Variants in SUCLG2 observed in about 807,000 individuals in gnomAD.
SUCLG2 encodes the protein succinate-CoA ligase GDP-forming subunit beta.
SUCLG2 carries 42 observed loss-of-function variants against 47.9 expected under a neutral mutation model. That is an observed-to-expected ratio of 0.88 (90% CI 0.69 to 1.14). SUCLG2 has a LOEUF of 1.14. SUCLG2 is among the 50% of genes most tolerant of loss of function. The pLI, the probability that SUCLG2 is intolerant of heterozygous loss-of-function variation, is 0.00. For missense variants in SUCLG2, 571 were observed against 525.9 expected (o/e 1.09, Z -0.84); for synonymous variants, 195 against 197.3 (o/e 0.99, Z 0.10).
chr3:67,395,498 T>G (rs1388392739), intron 10 of SUCLG2, among the ~76,000 whole-genome samples: 1 of 152,156 alleles, frequency 6.6e-6, no homozygotes, highest in Non-Finnish European at 1.5e-5. Context: ...ATGCACCCAA[T>G]ACAGGAGCAC....
At chr3:67,645,231 T>A (rs938499484) in intron 1 of SUCLG2, among the ~76,000 whole-genome samples, 1 of 152,184 alleles carries the variant, frequency 6.6e-6, no homozygotes, top group African/African-American at 2.4e-5. Flanking sequence ...ATACAAAATA[T>A]AGTCATAAAA....
At chr3:67,613,590 T>C (rs574552779) in intron 1 of SUCLG2, among the ~76,000 whole-genome samples, 130 of 152,316 alleles carry the variant, frequency 8.5e-4, no homozygotes, top group African/African-American at 3.0e-3. Context: ...AGAATAAGGA[T>C]GGACATATAC....
chr3:67,533,903 T>C (rs1706467875), intron 2 of SUCLG2, among the ~76,000 whole-genome samples: 1 of 151,724 alleles, frequency 6.6e-6, no homozygotes, highest in African/African-American at 2.4e-5. Flanking sequence ...ATGTCTGACA[T>C]GGACTTTTCA....
intron 2 of SUCLG2, among the ~76,000 whole-genome samples, chr3:67,533,729 A>C (rs2107157158): frequency 6.6e-6 from 1 of 152,290 alleles, no homozygotes; most frequent in East Asian, 1.9e-4. Flanking sequence ...CAAACATAAA[A>C]ATAGAGAGTT....
At chr3:67,649,207 A>G (rs541736502) in intron 1 of SUCLG2, among the ~76,000 whole-genome samples, 9 of 152,318 alleles carry the variant, frequency 5.9e-5, no homozygotes, top group Admixed American at 5.2e-4. Context: ...ACAGAGGCCA[A>G]CAGTATCTTA....
intron 2 of SUCLG2, among the ~76,000 whole-genome samples, chr3:67,578,281 T>G (rs568332801): frequency 8.2e-5 from 12 of 147,082 alleles, no homozygotes; most frequent in Admixed American, 5.5e-4. Flanking sequence ...TATAAAATTT[T>G]ATATATATAA....
intron 2 of SUCLG2, among the ~76,000 whole-genome samples, chr3:67,601,462 C>G (rs776362272): frequency 3.3e-5 from 5 of 152,148 alleles, no homozygotes; most frequent in Non-Finnish European, 5.9e-5. Flanking sequence ...ACAGAGCGAT[C>G]ACAGCAGTGA....
intron 9 of SUCLG2, among the ~76,000 whole-genome samples, chr3:67,405,556 C>T (rs1482026799): frequency 4.6e-5 from 7 of 152,148 alleles, no homozygotes; most frequent in Non-Finnish European, 7.3e-5. Context: ...CTACCCTGCT[C>T]CTACAGGATA....
At chr3:67,487,499 T>TACACAC (rs143841918) in intron 9 of SUCLG2, among the ~76,000 whole-genome samples, 7,856 of 149,692 alleles carry the variant, frequency 0.052, 330 homozygotes, top group East Asian at 0.22. Context: ...AACACACATA[T>TACACAC]ACACACACAC....
At chr3:67,400,629 T>A in intron 10 of SUCLG2, 102 bp downstream of exon 10, 2 of 1,484,296 alleles carry the variant, frequency 1.3e-6, no homozygotes, top group East Asian at 2.3e-5. Flanking sequence ...CACAATCTAG[T>A]GTTTCGTTCT....
At chr3:67,535,178 C>T (rs1706506212) in intron 2 of SUCLG2, among the ~76,000 whole-genome samples, 1 of 151,332 alleles carries the variant, frequency 6.6e-6, no homozygotes, top group East Asian at 2.0e-4. Context: ...AATCATGTCT[C>T]CCCCTGATTT....
intron 2 of SUCLG2, among the ~76,000 whole-genome samples, chr3:67,578,750 G>T (rs540410178): frequency 6.6e-6 from 1 of 152,186 alleles, no homozygotes; most frequent in East Asian, 1.9e-4. Flanking sequence ...ACAAGGCAAG[G>T]AATTTATCTG....
chr3:67,412,716 C>T (rs770059872), intron 9 of SUCLG2, among the ~76,000 whole-genome samples: 4 of 152,178 alleles, frequency 2.6e-5, no homozygotes, highest in Non-Finnish European at 5.9e-5. Flanking sequence ...ACCTCCTTCT[C>T]TCTCTCTCAG....
At chr3:67,409,249 A>G (rs1456756025) in intron 9 of SUCLG2, among the ~76,000 whole-genome samples, 1 of 152,096 alleles carries the variant, frequency 6.6e-6, no homozygotes, top group Non-Finnish European at 1.5e-5. Flanking sequence ...TCCTGAGCTG[A>G]AACAGATGTT....
At chr3:67,567,322 G>C (rs1198303599) in intron 2 of SUCLG2, among the ~76,000 whole-genome samples, 1 of 150,508 alleles carries the variant, frequency 6.6e-6, no homozygotes, top group East Asian at 1.9e-4. Flanking sequence ...AAGTGACAGG[G>C]TATGGCTCTG....
rs200035351 is a variant in SUCLG2, at chr3:67,520,557, G to T, written c.495C>A (p.Pro165=). Residue 165 remains proline, a synonymous_variant, in exon 5 of 11, where the codon CCC becomes CCA. Coordinates refer to ENST00000307227, the MANE Select transcript of SUCLG2 (RefSeq NM_003848.4). The stretch of plus-strand genomic sequence containing the variant: ...CCCCCTGGGGGCTGCCCACCAGCAC[G>T]GGGCCATTGCAGGACCGGTCCATCA... ...AILMDRSCNG[P]VLVGSPQGGV... is the part of the protein sequence containing the mutation. 7 of 1,614,132 alleles carry T rather than the reference G, an allele frequency of 4.3e-6. No individual in the cohort carries two copies. The Admixed American group carries it at 5.0e-5, about 12-fold the overall frequency.
intron 6 of SUCLG2, among the ~76,000 whole-genome samples, chr3:67,517,647 G>T (rs1705981466): frequency 6.6e-6 from 1 of 152,166 alleles, no homozygotes; most frequent in Admixed American, 6.5e-5. Flanking sequence ...GGTCTTTGAA[G>T]CCAAGGGATA....
At chr3:67,453,429 C>T (rs1457777045) in intron 9 of SUCLG2, among the ~76,000 whole-genome samples, 1 of 152,208 alleles carries the variant, frequency 6.6e-6, no homozygotes, top group East Asian at 1.9e-4. Context: ...TGTGTCCTCA[C>T]ATGGCAGAAG....
At chr3:67,612,502 G>A (rs1700547884) in intron 1 of SUCLG2, among the ~76,000 whole-genome samples, 1 of 151,970 alleles carries the variant, frequency 6.6e-6, no homozygotes, top group Admixed American at 6.6e-5. Context: ...ATAAACTGCT[G>A]AATAATAATA....
Sources: allele counts gnomAD v4.1 joint callset (sites outside exome capture counted in the v4.1 genomes callset), GRCh38; gene constraint gnomAD v4.1.1; transcripts MANE v1.5; gene names NCBI Gene and HGNC (gene_info 2026-07-23, HGNC 2026-07-21).